TRERF1: variants seen among roughly 807,000 people sequenced by gnomAD.
TRERF1 encodes transcriptional regulating factor 1, also known as transcriptional-regulating factor 1.
In TRERF1, 27 loss-of-function variants were observed where a neutral mutation model predicts 122.9. The ratio of observed to expected loss-of-function variants is 0.22; its 90% CI spans 0.16 to 0.30. The LOEUF is 0.30. Among genes scored for constraint, TRERF1 ranks in the 10% least tolerant of loss-of-function variants. The pLI, the probability that TRERF1 is intolerant of heterozygous loss-of-function variation, is 1.00. For missense variants in TRERF1, 1,248 were observed against 1,560.3 expected (o/e 0.80, Z 3.37); for synonymous variants, 636 against 641.7 (o/e 0.99, Z 0.13).
At chr6:42,366,275 C>A (rs1562072392) in intron 2 of TRERF1, among the ~76,000 whole-genome samples, 1 of 152,364 alleles carries the variant, frequency 6.6e-6, no homozygotes, top group African/African-American at 2.4e-5. Flanking sequence ...ATGCTTGCAA[C>A]TGCCCGCTGC....
chr6:42,421,542 G>A (rs1248114687), intron 2 of TRERF1, among the ~76,000 whole-genome samples: 1 of 152,040 alleles, frequency 6.6e-6, no homozygotes. Flanking sequence ...GGGAGGCTGA[G>A]GCAGGCGGAT....
intron 3 of TRERF1, among the ~76,000 whole-genome samples, chr6:42,357,328 C>CA (rs35651008): frequency 0.067 from 4,024 of 60,414 alleles, 173 homozygotes; most frequent in Admixed American, 0.1. Flanking sequence ...GACTCTGTCT[C>CA]AAAAAAAAAA....
intron 2 of TRERF1, among the ~76,000 whole-genome samples, chr6:42,382,386 C>T (rs1776094720): frequency 6.7e-6 from 1 of 149,820 alleles, no homozygotes; most frequent in Non-Finnish European, 1.5e-5. Context: ...AAGAGTGATT[C>T]TCTTAGCAAA....
Position 42,444,922 on chromosome 6 carries a change from C to T in TRERF1, c.-454+6255G>A, listed in dbSNP as rs551131147. On this transcript the variant is annotated intron_variant, in intron 2 of 17. Coordinates refer to ENST00000372922, the Ensembl canonical transcript of TRERF1. ...AACTCTCTCCAGTCGTGGTCCCAGCCAACCCTTCACTCCACTGAAACTGTT... is the reference window on the plus strand; with the variant it reads ...AACTCTCTCCAGTCGTGGTCCCAGCTAACCCTTCACTCCACTGAAACTGTT... Among the ~76,000 whole-genome samples, 3 of 152,294 alleles carry T rather than the reference C, an allele frequency of 2.0e-5. No homozygotes were observed. In the East Asian group the frequency reaches 5.8e-4, roughly 29 times the overall value.
At chr6:42,383,970 A>T (rs1325590343) in intron 2 of TRERF1, among the ~76,000 whole-genome samples, 1 of 151,810 alleles carries the variant, frequency 6.6e-6, no homozygotes, top group Admixed American at 6.6e-5. Context: ...TAACTCATCA[A>T]TGAATGAGAC....
chr6:42,348,692 T>C (rs1044598104), intron 3 of TRERF1, among the ~76,000 whole-genome samples: 5 of 152,166 alleles, frequency 3.3e-5, no homozygotes, highest in Non-Finnish European at 7.4e-5. Context: ...ATCGACCACA[T>C]TGGTTTTTGC....
intron 3 of TRERF1, among the ~76,000 whole-genome samples, chr6:42,355,231 T>G (rs531385609): frequency 1.3e-5 from 2 of 152,322 alleles, no homozygotes; most frequent in African/African-American, 2.4e-5. Context: ...TATTAAAGAT[T>G]GGTCACTTTA....
chr6:42,298,339 A>G (rs566841355), intron 4 of TRERF1, among the ~76,000 whole-genome samples: 1 of 151,330 alleles, frequency 6.6e-6, no homozygotes, highest in Non-Finnish European at 1.5e-5. Context: ...TATTTTTAGT[A>G]GAGATGGGGT....
intron 2 of TRERF1, among the ~76,000 whole-genome samples, chr6:42,367,901 C>T (rs1251242054): frequency 6.6e-6 from 1 of 152,120 alleles, no homozygotes; most frequent in Non-Finnish European, 1.5e-5. Flanking sequence ...GGCTGCCCGG[C>T]CAGCGTCTGT....
chr6:42,259,613 C>T lies in TRERF1; in HGVS notation c.1995G>A (p.Pro665=), dbSNP rs769431423. 7 of 1,613,596 alleles carry T rather than the reference C, an allele frequency of 4.3e-6. No individual in the cohort carries two copies. Among genetic ancestry groups the T allele is most frequent in the Admixed American group, 1.7e-5 (1 of 60,002 alleles). ...CGGGGTTCGGGTTGTAGGAGGGCGG[C>T]GGCGGGATGAAGAGAGGTTCCGGCC... Residue 665 remains proline, a synonymous_variant, in exon 9 of 18, where the codon CCG becomes CCA. Coordinates refer to ENST00000372922, the Ensembl canonical transcript of TRERF1. This position sits in a 1 kb window ranked among gnomAD's most constrained non-coding sequence, Gnocchi z 4.9.
chr6:42,239,631 A>T (rs920461797), intron 15 of TRERF1, among the ~76,000 whole-genome samples: 1 of 152,194 alleles, frequency 6.6e-6, no homozygotes, highest in South Asian at 2.1e-4. Flanking sequence ...TTGAAGATAC[A>T]TGATCAGGAG....
intron 1 of TRERF1, among the ~76,000 whole-genome samples, chr6:42,451,764 C>G (rs1215103142): frequency 6.6e-6 from 1 of 152,082 alleles, no homozygotes; most frequent in Non-Finnish European, 1.5e-5. Context: ...TGCTCCCCTT[C>G]CTGCCCTCCG....
intron 15 of TRERF1, among the ~76,000 whole-genome samples, chr6:42,239,993 G>A (rs920487826): frequency 2.0e-5 from 3 of 152,000 alleles, no homozygotes; most frequent in Admixed American, 6.5e-5. Flanking sequence ...CCAAGAGGGT[G>A]TGGCCCCTTG....
intron 3 of TRERF1, among the ~76,000 whole-genome samples, chr6:42,316,905 C>T (rs1412782893): frequency 6.6e-6 from 1 of 152,030 alleles, no homozygotes. Flanking sequence ...TTGTGACTTC[C>T]CCAATTGCTC....
intron 3 of TRERF1, among the ~76,000 whole-genome samples, chr6:42,362,625 C>T (rs925230532): frequency 5.9e-5 from 9 of 152,222 alleles, no homozygotes; most frequent in Non-Finnish European, 1.0e-4. Context: ...AGCAATCCGC[C>T]TCTGGCAGGC....
intron 2 of TRERF1, among the ~76,000 whole-genome samples, chr6:42,403,925 C>T (rs1779791915): frequency 6.6e-6 from 1 of 151,458 alleles, no homozygotes; most frequent in Non-Finnish European, 1.5e-5. Flanking sequence ...CTTGAAATTC[C>T]ATGAGACCCC....
At chr6:42,293,427 C>T (rs1784610104) in intron 4 of TRERF1, among the ~76,000 whole-genome samples, 1 of 152,186 alleles carries the variant, frequency 6.6e-6, no homozygotes, top group Non-Finnish European at 1.5e-5. Context: ...ACCACTGCTA[C>T]TAGAACGAGG....
intron 2 of TRERF1, among the ~76,000 whole-genome samples, chr6:42,433,878 A>G (rs781050556): frequency 1.3e-5 from 2 of 152,046 alleles, no homozygotes; most frequent in Non-Finnish European, 2.9e-5. Context: ...TTTTTTAATT[A>G]TCCAAGCATG....
At chr6:42,306,793 A>G (rs1275935463) in intron 3 of TRERF1, among the ~76,000 whole-genome samples, 2 of 152,240 alleles carry the variant, frequency 1.3e-5, no homozygotes, top group African/African-American at 4.8e-5. Flanking sequence ...AACAGCATTT[A>G]TCACAGTTGT....
Sources: gnomAD v4.1 joint callset for allele counts (sites outside exome capture counted in the v4.1 genomes callset) on GRCh38, gnomAD v4.1.1 for gene constraint, Gnocchi (gnomAD v3.1) non-coding constraint, MANE v1.5 for transcripts, NCBI Gene and HGNC (gene_info 2026-07-23, HGNC 2026-07-21) for gene names.